The following SLC16A2 variants were observed in gnomAD, a reference collection of about 807,000 sequenced individuals.
SLC16A2 encodes monocarboxylate transporter 8.
A neutral mutation model predicts 27.2 loss-of-function variants in SLC16A2; 3 were observed. The observed-to-expected ratio is 0.11, with a 90% confidence interval of 0.05 to 0.28. The LOEUF is 0.28. Among genes scored for constraint, SLC16A2 ranks in the 10% least tolerant of loss-of-function variants. SLC16A2 has a pLI of 1.00. For synonymous variants in SLC16A2, 202 were observed against 187.8 expected (o/e 1.08, Z -0.62); for missense variants, 295 against 458.5 (o/e 0.64, Z 3.26).
In SLC16A2 at chrX:74,524,773, T is replaced by A. The variant is rs1435654597; in HGVS notation, c.990T>A (p.Ala330=). Residue 330 remains alanine (A), a synonymous_variant, in exon 3 of 6, where the codon GCT becomes GCA. Coordinates refer to ENST00000587091, the MANE Select transcript of SLC16A2 (RefSeq NM_006517.5). ...TYRIWAFGIA[A]AALGYFVPYV... ...GCATCTGGGCCTTCGGAATTGCTGC[T>A]GCTGCCCTTGGCTACTTTGTTCCCT... 5 of 1,210,952 alleles carry A rather than the reference T, an allele frequency of 4.1e-6. No homozygotes were observed. Among genetic ancestry groups the A allele is most frequent in the Non-Finnish European group, 4.5e-6 (4 of 895,484 alleles).
chrX:74,507,747 C>A (rs1373287978), intron 1 of SLC16A2, among the ~76,000 whole-genome samples: 2 of 112,026 alleles, frequency 1.8e-5, no homozygotes, highest in African/African-American at 6.5e-5. Context: ...TCTTTTGCAG[C>A]AACATGGATA....
chrX:74,463,881 G>C (rs1307674614), intron 1 of SLC16A2, among the ~76,000 whole-genome samples: 3 of 112,135 alleles, frequency 2.7e-5, no homozygotes, highest in African/African-American at 9.7e-5. Context: ...CAGTAATCTA[G>C]ATAATGAGCA....
chrX:74,478,384 C>G (rs185104377), intron 1 of SLC16A2, among the ~76,000 whole-genome samples: 181 of 111,473 alleles, frequency 1.6e-3, no homozygotes, highest in African/African-American at 5.6e-3. Context: ...ATGTGTGTCT[C>G]TGCACATGAG....
chrX:74,428,847 C>T (rs1475601568), intron 1 of SLC16A2, among the ~76,000 whole-genome samples: 3 of 111,911 alleles, frequency 2.7e-5, no homozygotes, highest in Non-Finnish European at 5.6e-5. Context: ...CAACAAATGT[C>T]GTCATTACTT....
chrX:74,432,229 G>A (rs1202626371), intron 1 of SLC16A2, among the ~76,000 whole-genome samples: 2 of 111,127 alleles, frequency 1.8e-5, no homozygotes, highest in Non-Finnish European at 3.8e-5. Context: ...TGCAGGTAAC[G>A]AAGAATAAGG....
intron 1 of SLC16A2, among the ~76,000 whole-genome samples, chrX:74,501,279 C>G (rs186854025): frequency 1.8e-5 from 2 of 111,100 alleles, no homozygotes; most frequent in African/African-American, 6.6e-5. Context: ...CCATATTATT[C>G]TTTAGTGTCG....
At chrX:74,473,322 A>G in intron 1 of SLC16A2, 1 of 551,279 alleles carries the variant, frequency 1.8e-6, no homozygotes, top group Non-Finnish European at 3.2e-6. Flanking sequence ...CTCCACGACC[A>G]CCACCTCCAT....
intron 1 of SLC16A2, among the ~76,000 whole-genome samples, chrX:74,434,396 G>A (rs778918803): frequency 8.9e-6 from 1 of 112,096 alleles, no homozygotes; most frequent in Non-Finnish European, 1.9e-5. Context: ...GAAATGGACA[G>A]TTGGGCTGTT....
At chrX:74,423,518 T>C (rs1339686731) in intron 1 of SLC16A2, among the ~76,000 whole-genome samples, 1 of 111,501 alleles carries the variant, frequency 9.0e-6, no homozygotes, top group Non-Finnish European at 1.9e-5. Flanking sequence ...GCCTCAGACC[T>C]TGTGATCCAT....
chrX:74,435,514 T>TATATGC (rs1928610347), intron 1 of SLC16A2, among the ~76,000 whole-genome samples: 1 of 71,700 alleles, frequency 1.4e-5, no homozygotes, highest in Admixed American at 1.9e-4. Flanking sequence ...TGTATATGCA[T>TATATGC]ATATATATAT....
At chrX:74,427,786 CGCAT>C (rs1569282222) in intron 1 of SLC16A2, among the ~76,000 whole-genome samples, 3 of 98,810 alleles carry the variant, frequency 3.0e-5, no homozygotes, top group African/African-American at 1.1e-4. Context: ...TGTGCGCAAG[CGCAT>C]GCGCACGCGT....
At chrX:74,448,302 ATTTTTTTT>A (rs144467927) in intron 1 of SLC16A2, among the ~76,000 whole-genome samples, 60 of 64,250 alleles carry the variant, frequency 9.3e-4, no homozygotes, top group Middle Eastern at 0.02. Flanking sequence ...AATCCTTTGG[ATTTTTTTT>A]TTTTTTTTTT....
At chrX:74,497,936 G>A (rs563394008) in intron 1 of SLC16A2, among the ~76,000 whole-genome samples, 16 of 110,954 alleles carry the variant, frequency 1.4e-4, no homozygotes, top group East Asian at 5.7e-4. Context: ...ATGCAGAGAC[G>A]TTTAAGTGGG....
chrX:74,466,841 C>A (rs753905156), intron 1 of SLC16A2, among the ~76,000 whole-genome samples: 1 of 112,286 alleles, frequency 8.9e-6, no homozygotes, highest in East Asian at 2.8e-4. Flanking sequence ...TCTAGAAGCC[C>A]ATGTCTTTGT....
At chrX:74,508,150 AT>A (rs1267809176) in intron 1 of SLC16A2, among the ~76,000 whole-genome samples, 1 of 112,261 alleles carries the variant, frequency 8.9e-6, no homozygotes, top group Non-Finnish European at 1.9e-5. Context: ...ACGAGATAAT[AT>A]AAGTATTCTA....
At chrX:74,475,764 C>G (rs1056350750) in intron 1 of SLC16A2, among the ~76,000 whole-genome samples, 3 of 111,707 alleles carry the variant, frequency 2.7e-5, no homozygotes, top group Non-Finnish European at 3.8e-5. Context: ...TTGTTTTTCT[C>G]AGGTTTGTCA....
At chrX:74,494,656 T>G (rs1929901119) in intron 1 of SLC16A2, among the ~76,000 whole-genome samples, 1 of 111,272 alleles carries the variant, frequency 9.0e-6, no homozygotes, top group Admixed American at 9.6e-5. Context: ...GAACTAGGAT[T>G]GTCCTGGAAA....
At chrX:74,437,433 G>A (rs1054959589) in intron 1 of SLC16A2, among the ~76,000 whole-genome samples, 1 of 111,908 alleles carries the variant, frequency 8.9e-6, no homozygotes, top group Non-Finnish European at 1.9e-5. Context: ...CAGTGTTCCC[G>A]GAAAACTTGG....
chrX:74,511,360 T>C (rs1396138271), intron 1 of SLC16A2, among the ~76,000 whole-genome samples: 1 of 110,638 alleles, frequency 9.0e-6, no homozygotes, highest in Admixed American at 9.6e-5. Flanking sequence ...TTTTTGTATT[T>C]TTAGAAGAGA....
Sources: allele counts gnomAD v4.1 joint callset (sites outside exome capture counted in the v4.1 genomes callset), GRCh38; gene constraint gnomAD v4.1.1; transcripts MANE v1.5; gene names NCBI Gene and HGNC (gene_info 2026-07-23, HGNC 2026-07-21).